The following LSAMP variants were observed in gnomAD, a reference collection of about 807,000 sequenced individuals.
The protein encoded by LSAMP is limbic system associated membrane protein, also known as limbic system-associated membrane protein.
A neutral mutation model predicts 38.6 loss-of-function variants in LSAMP; 7 were observed. The observed-to-expected ratio is 0.18, with a 90% CI of 0.10 to 0.34. LSAMP has a LOEUF of 0.34. Among genes scored for constraint, LSAMP ranks in the 10% least tolerant of loss-of-function variants. LSAMP has a pLI of 1.00. For missense variants in LSAMP, 313 were observed against 420.0 expected, an observed-to-expected ratio of 0.75 and a Z score of 2.23; for synonymous variants, 154 against 166.8, an observed-to-expected ratio of 0.92 and a Z score of 0.59.
chr3:116,384,387 T>C (rs979119504), intron 1 of LSAMP, among the ~76,000 whole-genome samples: 4 of 152,120 alleles, frequency 2.6e-5, no homozygotes, highest in African/African-American at 9.7e-5. Context: ...TAAAAATATT[T>C]CATAGACACC....
chr3:115,954,625 T>C (rs1938396350), intron 3 of LSAMP, among the ~76,000 whole-genome samples: 1 of 152,184 alleles, frequency 6.6e-6, no homozygotes. Flanking sequence ...TGGGGCCAAA[T>C]ATAGATTAGA....
intron 6 of LSAMP, among the ~76,000 whole-genome samples, chr3:115,824,697 G>A (rs566564738): frequency 1.8e-4 from 27 of 148,882 alleles, no homozygotes; most frequent in Non-Finnish European, 3.1e-4. Flanking sequence ...GTGACAGGGC[G>A]AGACTCCGTC....
intron 3 of LSAMP, among the ~76,000 whole-genome samples, chr3:115,930,002 G>GTTTTTTTTTTTTTTTTTTTTTTTTTTTT (rs1170325465): frequency 1.2e-5 from 1 of 80,294 alleles, no homozygotes; most frequent in Non-Finnish European, 2.2e-5. Flanking sequence ...TTTAGCAGAA[G>GTTTTTTTTTTTTTTTTTTTTTTTTTTTT]TTTTTTTTTT....
rs1335373101 is a variant in LSAMP, at chr3:115,895,826, TTAAG to T, written c.515-43213_515-43210del. Among the ~76,000 whole-genome samples the T allele has an allele frequency of 9.2e-5, 14 of 152,256 alleles. No individual in the cohort carries two copies. In the East Asian group the frequency reaches 2.7e-3, roughly 29 times the overall value. On this transcript the variant is annotated intron_variant, in intron 3 of 6. Coordinates refer to ENST00000490035, the MANE Select transcript of LSAMP (RefSeq NM_002338.5). ...TCATAATTGTTGAGGGGTTACCTCT[TTAAG>T]TAGTAAAACATTTTACATTCTAACT... is the stretch of plus-strand genomic sequence containing the variant.
intron 1 of LSAMP, among the ~76,000 whole-genome samples, chr3:116,167,242 C>T (rs563076004): frequency 6.6e-6 from 1 of 152,094 alleles, no homozygotes; most frequent in African/African-American, 2.4e-5. Context: ...TGCCCTTATC[C>T]CCCCTCCAAC....
intron 1 of LSAMP, among the ~76,000 whole-genome samples, chr3:116,283,370 T>C (rs2047153191): frequency 6.6e-6 from 1 of 152,034 alleles, no homozygotes; most frequent in African/African-American, 2.4e-5. Context: ...GTGGGAAGAA[T>C]GGGAGAGGGA....
At chr3:115,892,250 A>G (rs1342614097) in intron 3 of LSAMP, among the ~76,000 whole-genome samples, 2 of 151,968 alleles carry the variant, frequency 1.3e-5, no homozygotes, top group Admixed American at 1.3e-4. Context: ...TTCTAAAAAC[A>G]TCATAACCAA....
chr3:116,288,902 G>T (rs565460662), intron 1 of LSAMP, among the ~76,000 whole-genome samples: 1 of 152,286 alleles, frequency 6.6e-6, no homozygotes, highest in East Asian at 1.9e-4. Flanking sequence ...GAGAATAAAT[G>T]AAGTTCAATT....
rs113731617 is a variant in LSAMP at position 116,203,264 on chromosome 3, T to C, written c.156-116708A>G. Among the ~76,000 whole-genome samples, 633 of 152,340 alleles carry C rather than the reference T, an allele frequency of 4.2e-3. 7 individuals are homozygous for C. The highest frequency in any genetic ancestry group is 0.014 in the African/African-American group (595 of 41,580). ...ATTATGTTCTCTTCAGTAGATTTCC[T>C]TTATGAGGTCAAGAAGTTCCCTTCA... is the stretch of plus-strand genomic sequence containing the variant. On this transcript the variant is annotated intron_variant, in intron 1 of 6. Transcript: ENST00000490035.
chr3:116,443,462 CCACACAACACACACACATGCAATGCACGG>C (rs1366727536), intron 1 of LSAMP, among the ~76,000 whole-genome samples: 1 of 152,010 alleles, frequency 6.6e-6, no homozygotes, highest in Non-Finnish European at 1.5e-5. Context: ...AAACACATAC[CCACACAACACACACACATGCAATGCACGG>C]CACACAACAC....
intron 1 of LSAMP, among the ~76,000 whole-genome samples, chr3:116,437,401 A>G (rs905024472): frequency 2.0e-5 from 3 of 151,232 alleles, no homozygotes; most frequent in African/African-American, 4.9e-5. Context: ...TAACTTATGG[A>G]AAAAAAAATA....
At chr3:115,811,306 A>T (rs1188691728) in intron 6 of LSAMP, among the ~76,000 whole-genome samples, 3 of 152,140 alleles carry the variant, frequency 2.0e-5, no homozygotes, top group African/African-American at 7.2e-5. Flanking sequence ...TGTGTTCATA[A>T]AAGAGAGGAT....
At chr3:116,355,994 C>A (rs560411596) in intron 1 of LSAMP, among the ~76,000 whole-genome samples, 94 of 152,080 alleles carry the variant, frequency 6.2e-4, no homozygotes, top group Non-Finnish European at 1.2e-3. Flanking sequence ...TAAATTAGTA[C>A]AGCCACTATG....
At chr3:116,393,713 G>A (rs1340975778) in intron 1 of LSAMP, among the ~76,000 whole-genome samples, 6 of 152,188 alleles carry the variant, frequency 3.9e-5, no homozygotes, top group African/African-American at 1.4e-4. Flanking sequence ...ACTTTTTAGG[G>A]ATGTCCAATC....
At chr3:116,143,247 C>T (rs1709413297) in intron 1 of LSAMP, among the ~76,000 whole-genome samples, 1 of 151,748 alleles carries the variant, frequency 6.6e-6, no homozygotes, top group South Asian at 2.1e-4. Context: ...CTCATTTCAT[C>T]ATGTATCAGT....
chr3:116,089,715 A>G (rs1223743313), intron 1 of LSAMP, among the ~76,000 whole-genome samples: 2 of 152,134 alleles, frequency 1.3e-5, no homozygotes, highest in South Asian at 2.1e-4. Context: ...GCACCAGAAC[A>G]CAATACAGTA....
chr3:116,130,266 C>T (rs376476306), intron 1 of LSAMP, among the ~76,000 whole-genome samples: 26 of 152,202 alleles, frequency 1.7e-4, no homozygotes, highest in African/African-American at 4.8e-4. Flanking sequence ...TGGAGTCCTT[C>T]GGAAGGTCAT....
chr3:115,982,993 C>A (rs1161072384), intron 3 of LSAMP, among the ~76,000 whole-genome samples: 2 of 147,666 alleles, frequency 1.4e-5, no homozygotes, highest in Admixed American at 1.4e-4. Context: ...CCAGAGAGGT[C>A]AGTTGAGATT....
intron 1 of LSAMP, among the ~76,000 whole-genome samples, chr3:116,226,717 T>C (rs1261610385): frequency 6.6e-6 from 1 of 152,242 alleles, no homozygotes; most frequent in Non-Finnish European, 1.5e-5. Context: ...ACAGATAGGC[T>C]TCACTTTGTG....
Sources: gnomAD v4.1 joint callset for allele counts (sites outside exome capture counted in the v4.1 genomes callset) on GRCh38, gnomAD v4.1.1 for gene constraint, MANE v1.5 for transcripts, NCBI Gene and HGNC (gene_info 2026-07-23, HGNC 2026-07-21) for gene names.